Variants in NOS1 observed in about 807,000 individuals in gnomAD.
The protein encoded by NOS1 is nitric oxide synthase 1, also known as NOS type I.
Under a neutral mutation model 164.5 loss-of-function variants are expected in NOS1, and 51 were observed. The observed-to-expected ratio is 0.31, with a 90% CI of 0.25 to 0.39. NOS1 has a LOEUF of 0.39. Among genes scored for constraint, NOS1 ranks in the 10% least tolerant of loss-of-function variants. NOS1 has a pLI of 1.00. For missense variants in NOS1, 1,362 were observed against 1,885.6 expected, an observed-to-expected ratio of 0.72 and a Z score of 5.14; for synonymous variants, 719 against 745.8, an observed-to-expected ratio of 0.96 and a Z score of 0.59.
intron 1 of NOS1, among the ~76,000 whole-genome samples, chr12:117,355,916 C>T (rs56024664): frequency 0.16 from 24,828 of 152,142 alleles, 2,355 homozygotes; most frequent in Admixed American, 0.23. Flanking sequence ...CACGCCACCA[C>T]ACCTGGCTAA....
chr12:117,319,885 G>A (rs1474975870), intron 2 of NOS1, among the ~76,000 whole-genome samples: 2 of 152,202 alleles, frequency 1.3e-5, no homozygotes, highest in African/African-American at 4.8e-5. Context: ...CAAGGAACCT[G>A]AACACTAGTT....
chr12:117,299,320 G>A (rs867807675), intron 3 of NOS1, among the ~76,000 whole-genome samples: 3 of 152,150 alleles, frequency 2.0e-5, no homozygotes, highest in Admixed American at 1.3e-4. Flanking sequence ...AAAGTGATTC[G>A]TTCCTTAAGA....
At chr12:117,252,243 T>C (rs1871155842) in intron 17 of NOS1, among the ~76,000 whole-genome samples, 1 of 152,222 alleles carries the variant, frequency 6.6e-6, no homozygotes, top group African/African-American at 2.4e-5. Flanking sequence ...AATTCATTTT[T>C]TGGGAGAGAA....
At chr12:117,221,428 AAT>A (rs1452778220) in intron 26 of NOS1, among the ~76,000 whole-genome samples, 2 of 149,872 alleles carry the variant, frequency 1.3e-5, no homozygotes, top group African/African-American at 2.5e-5. Flanking sequence ...GGACTACAAG[AAT>A]GTGCCACCGC....
chr12:117,227,310 T>A (rs2135934354), intron 23 of NOS1, 121 bp downstream of exon 23: 1 of 906,128 alleles, frequency 1.1e-6, no homozygotes, highest in East Asian at 2.6e-5. Flanking sequence ...TTTCTGGTCT[T>A]GGGGATGAGT....
At chr12:117,282,513 C>A (rs546990261) in intron 7 of NOS1, among the ~76,000 whole-genome samples, 2 of 152,328 alleles carry the variant, frequency 1.3e-5, no homozygotes, top group South Asian at 4.1e-4. Context: ...TTCCTCCATA[C>A]AGCAACCCCT....
chr12:117,226,420 G>A lies in NOS1; in HGVS notation c.3704+263C>T, dbSNP rs9658502. Among the ~76,000 whole-genome samples, 69 of 152,216 alleles carry A rather than the reference G, an allele frequency of 4.5e-4. 2 individuals carry two copies. The South Asian group carries it at 0.011, about 24-fold the overall frequency. On this transcript the variant is annotated intron_variant, in intron 24 of 28. Coordinates refer to ENST00000317775, the MANE Select transcript of NOS1 (RefSeq NM_000620.5). ...AGACTGTATTTGCATGGTTTTCCCC[G>A]ATAGCTCCAGCACCTAGCCCAGTAC...
intron 1 of NOS1, among the ~76,000 whole-genome samples, chr12:117,353,705 T>C (rs911611453): frequency 9.9e-5 from 15 of 152,146 alleles, no homozygotes; most frequent in Admixed American, 7.9e-4. Context: ...CAAGATGAAG[T>C]ACATGGGGCA....
intron 27 of NOS1, 62 bp from the exon 28 acceptor site, chr12:117,218,226 G>A: frequency 1.6e-6 from 2 of 1,245,516 alleles, no homozygotes; most frequent in Non-Finnish European, 2.4e-6. Flanking sequence ...TGGAGCAGGG[G>A]CAGACTTGCC....
At chr12:117,308,313 C>A (rs991402413) in intron 3 of NOS1, among the ~76,000 whole-genome samples, 7 of 152,112 alleles carry the variant, frequency 4.6e-5, no homozygotes, top group Non-Finnish European at 8.8e-5. Flanking sequence ...TCGAGACCAG[C>A]CTGGGCAACA....
Position 117,272,264 on chromosome 12 carries a change from C to T in NOS1, c.1839+121G>A. ...ATTTCCAGGGGCTTCTCTGGGATTG[C>T]AATTCTATTCTAACCCCTTCAAGTT... On this transcript the variant is annotated intron_variant, in intron 10 of 28. Transcript: ENST00000317775. The surrounding 1 kb of genome is among the most constrained non-coding windows in gnomAD (Gnocchi z 4.3). The T allele has an allele frequency of 9.7e-7, 1 of 1,032,272 alleles. No individual in the cohort carries two copies. The highest frequency in any genetic ancestry group is 1.5e-6 in the Non-Finnish European group (1 of 679,330). The allele number at this position is 1,032,272 out of a possible 1,614,324, so 63.9% of individuals were successfully genotyped here.
intron 16 of NOS1, among the ~76,000 whole-genome samples, chr12:117,254,089 C>T (rs988483898): frequency 3.9e-5 from 6 of 152,042 alleles, no homozygotes; most frequent in Non-Finnish European, 8.8e-5. Context: ...TGAGACCATG[C>T]TCCCTTGTTT....
intron 1 of NOS1, among the ~76,000 whole-genome samples, chr12:117,340,628 C>G (rs1444668858): frequency 6.6e-6 from 1 of 152,196 alleles, no homozygotes; most frequent in East Asian, 1.9e-4. Flanking sequence ...CTCCCAGGTT[C>G]AAGTGATTCT....
At position 117,233,681 on chromosome 12, in the gene NOS1, G is replaced by A. The variant is rs376861585; in HGVS notation, c.3235+884C>T. On this transcript the variant is annotated intron_variant, in intron 21 of 28. Transcript: ENST00000317775. Reference sequence around the variant, plus strand: ...AAATTAGCTGGGTGTGGTGGCACGCGCCTGTAATCCCAGCTACTCAGGAGG... The same window carrying A: ...AAATTAGCTGGGTGTGGTGGCACGCACCTGTAATCCCAGCTACTCAGGAGG... Among the ~76,000 whole-genome samples, 46 of 151,820 alleles carry A rather than the reference G, an allele frequency of 3.0e-4. 1 individual carries two copies. Among genetic ancestry groups the A allele is most frequent in the Admixed American group, 7.2e-4 (11 of 15,262 alleles).
intron 10 of NOS1, among the ~76,000 whole-genome samples, chr12:117,271,750 AAC>A: frequency 1.3e-5 from 2 of 152,248 alleles, no homozygotes; most frequent in Middle Eastern, 6.8e-3. Context: ...TGCTGACAAA[AAC>A]ACAGCAATCA....
intron 1 of NOS1, among the ~76,000 whole-genome samples, chr12:117,338,439 G>C (rs986127143): frequency 7.2e-6 from 1 of 138,460 alleles, no homozygotes; most frequent in Non-Finnish European, 1.5e-5. Context: ...ATGGACACAG[G>C]AAGGGGAACA....
intron 3 of NOS1, among the ~76,000 whole-genome samples, chr12:117,300,457 C>T (rs1339049971): frequency 6.6e-6 from 1 of 152,216 alleles, no homozygotes; most frequent in Non-Finnish European, 1.5e-5. Flanking sequence ...TCCACCCTGG[C>T]TCTGACCACC....
intron 6 of NOS1, 100 bp downstream of exon 6, chr12:117,286,004 T>C (rs1592989297): frequency 7.5e-7 from 1 of 1,334,598 alleles, no homozygotes; most frequent in East Asian, 2.3e-5. Context: ...GGCTACCAGG[T>C]ACCCTTGGTA....
intron 2 of NOS1, among the ~76,000 whole-genome samples, chr12:117,328,699 C>T (rs1028512089): frequency 6.6e-6 from 1 of 152,152 alleles, no homozygotes; most frequent in Non-Finnish European, 1.5e-5. Flanking sequence ...TGAGTAGCTG[C>T]GACTACAGGC....
Sources: allele counts gnomAD v4.1 joint callset (sites outside exome capture counted in the v4.1 genomes callset), GRCh38; gene constraint gnomAD v4.1.1; non-coding constraint Gnocchi (gnomAD v3.1); transcripts MANE v1.5; gene names NCBI Gene and HGNC (gene_info 2026-07-23, HGNC 2026-07-21).